The following CDC25B variants were observed in gnomAD, a reference collection of about 807,000 sequenced individuals.
The protein encoded by CDC25B is M-phase inducer phosphatase 2.
CDC25B carries 33 observed loss-of-function variants against 69.8 expected under a neutral mutation model. The ratio of observed to expected loss-of-function variants is 0.47; its 90% confidence interval spans 0.36 to 0.63. The LOEUF (loss-of-function observed/expected upper bound fraction) is 0.63, where lower values mean the gene tolerates loss of function less well. Ranked by LOEUF, CDC25B falls within the 30% of genes least tolerant of loss-of-function variation. The pLI is 0.00. For missense variants in CDC25B, 727 were observed against 809.1 expected (o/e 0.90, Z 1.23); for synonymous variants, 341 against 314.6 (o/e 1.08, Z -0.89).
chr20:3,796,114 T>C, upstream of CDC25B: 2 of 1,021,236 alleles, frequency 2.0e-6, no homozygotes, highest in East Asian at 2.0e-4. Context: ...GCCAGGGGGA[T>C]GTGCGAGGGT....
rs958380016 is a variant in CDC25B at position 3,805,978 on chromosome 20, G to T, written c.*1017G>T. ...GGTTTGGAGCTATTCAAGAGGAAAT[G>T]TCACAGAAGCAGCTAAACCAAGGAC... is the stretch of plus-strand genomic sequence containing the variant. On this transcript the variant is annotated 3_prime_UTR_variant, in exon 16 of 16. Transcript: ENST00000245960. 2 of 400,484 alleles carry T rather than the reference G, an allele frequency of 5.0e-6. No homozygotes were observed. Among genetic ancestry groups the T allele is most frequent in the Non-Finnish European group, 8.8e-6 (2 of 226,678 alleles). The allele number at this position is 400,484 out of a possible 1,614,324, so 24.8% of individuals were successfully genotyped here.
Position 3,791,180 on chromosome 20 carries a change from A to G in CDC25B, c.8+4041A>G, listed in dbSNP as rs569219067. Among the ~76,000 whole-genome samples, 8 of 152,322 alleles carry G rather than the reference A, an allele frequency of 5.3e-5. No individual in the cohort carries two copies. In the South Asian group the frequency reaches 1.7e-3, roughly 32 times the overall value. On this transcript the variant is annotated intron_variant, in intron 1 of 15. Transcript: ENST00000344256. Reference sequence around the variant, plus strand: ...CTCCCCTATTGAAGACAATAACTCAACGAACATACATCTGTGTGTACTTTT... The same window carrying G: ...CTCCCCTATTGAAGACAATAACTCAGCGAACATACATCTGTGTGTACTTTT...
upstream of CDC25B, among the ~76,000 whole-genome samples, chr20:3,793,563 G>GTTT (rs2088951121): frequency 3.9e-5 from 5 of 126,806 alleles, no homozygotes; most frequent in East Asian, 4.6e-4. Context: ...TTTTTTTTTG[G>GTTT]TTTTAGAGAA....
Position 3,804,634 on chromosome 20 carries a change from T to A in CDC25B, c.1556T>A (p.Met519Lys). 6.2e-7 allele frequency: 1 copy of A among 1,614,056 alleles called. No homozygotes were observed. Among genetic ancestry groups the A allele is most frequent in the Non-Finnish European group, 8.5e-7 (1 of 1,179,968 alleles). ...NDYPSLYYPEMYILKGGYKEF... is the reference protein window; with the variant it reads ...NDYPSLYYPEKYILKGGYKEF... The stretch of plus-strand genomic sequence containing the variant: ...TACCCCAGCCTCTACTACCCTGAGA[T>A]GTATATCCTGAAAGGCGGCTACAAG... Residue 519 changes from methionine (M) to lysine (K), a missense_variant, in exon 15 of 16, where the codon ATG becomes AAG. Physicochemically the swap from Met to Lys is moderately conservative, Grantham distance 95. Transcript: ENST00000245960.
rs139531565 is a variant in CDC25B at position 3,801,330 on chromosome 20, C to A, written c.782C>A (p.Ala261Glu). Residue 261 changes from alanine (A) to glutamate (E), a missense_variant, in exon 8 of 16, where the codon GCA becomes GAA. Transcript: ENST00000245960. ...CTAGGTCGCTTCTCTCTGACCCCTG[C>A]AGAGGGGGATACTGAGGAAGATGAT... ...LALGRFSLTP[A>E]EGDTEEDDGF... The A allele has an allele frequency of 2.0e-4, 316 of 1,613,988 alleles. 1 individual carries two copies. Among genetic ancestry groups the A allele is most frequent in the Non-Finnish European group, 2.6e-4 (312 of 1,179,988 alleles).
intron 1 of CDC25B, among the ~76,000 whole-genome samples, chr20:3,797,403 G>A (rs2089096813): frequency 6.6e-6 from 1 of 152,228 alleles, no homozygotes; most frequent in Non-Finnish European, 1.5e-5. Flanking sequence ...GCTCCTGAGA[G>A]GACCTTTCCT....
rs1424781563 is a variant in CDC25B, at chr20:3,803,409, G to A, written c.1362G>A (p.Ala454=). 34 of 1,614,078 alleles carry A rather than the reference G, an allele frequency of 2.1e-5. No individual in the cohort carries two copies. Among genetic ancestry groups the A allele is most frequent in the African/African-American group, 2.7e-5 (2 of 75,024 alleles). The part of the protein sequence containing the change: ...YEYEGGHIKT[A]VNLPLERDAE... Reference sequence around the variant, plus strand: ...ACCTCTGGCTCCTCTGACAGACTGCGGTGAACTTGCCCCTGGAACGCGACG... The same window carrying A: ...ACCTCTGGCTCCTCTGACAGACTGCAGTGAACTTGCCCCTGGAACGCGACG... The change falls in exon 14 of 16, where the codon GCG becomes GCA. Residue 454 remains alanine, a synonymous_variant. Transcript: ENST00000245960. This position sits in a 1 kb window ranked among gnomAD's most constrained non-coding sequence, Gnocchi z 4.9.
chr20:3,799,525 TGC>T lies in CDC25B; in HGVS notation c.381-751_381-750del, dbSNP rs35316200. Among the ~76,000 whole-genome samples the T allele has an allele frequency of 2.9e-4, 20 of 68,684 alleles. 1 individual carries two copies. Among genetic ancestry groups the T allele is most frequent in the African/African-American group, 4.8e-4 (10 of 20,736 alleles). The allele number at this position is 68,684 out of a possible 152,430, so 45.1% of individuals were successfully genotyped here. A position where few individuals can be genotyped will look rare whatever the true frequency, so the allele number is the denominator to read the frequency against. ...GTGTGTGTGTGTGTGTGTGTGTGTG[TGC>T]GCGCGCGCGCGTAGATGCACAAAAG... is the stretch of plus-strand genomic sequence containing the variant. On this transcript the variant is annotated intron_variant, in intron 3 of 15. Transcript: ENST00000245960.
chr20:3,805,337 C>T lies in CDC25B; in HGVS notation c.*376C>T, dbSNP rs11087605. 0.056 allele frequency: 16,927 copies of T among 301,120 alleles called. 695 individuals carry two copies. Among genetic ancestry groups the T allele is most frequent in the Non-Finnish European group, 0.079 (12,530 of 158,144 alleles). The allele number at this position is 301,120 out of a possible 1,614,324, so 18.7% of individuals were successfully genotyped here. Reference sequence around the variant, plus strand: ...CTGAGGCTGGGGGAGAGCCGTGGTCCCTGAGGATGGGTCAGAGCTAAACTC... The same window carrying T: ...CTGAGGCTGGGGGAGAGCCGTGGTCTCTGAGGATGGGTCAGAGCTAAACTC... On this transcript the variant is annotated 3_prime_UTR_variant, in exon 16 of 16. Transcript: ENST00000245960.
intron 1 of CDC25B, among the ~76,000 whole-genome samples, chr20:3,790,104 T>C (rs781178455): frequency 6.6e-6 from 1 of 151,834 alleles, no homozygotes; most frequent in Non-Finnish European, 1.5e-5. Flanking sequence ...TGCAATGAAC[T>C]ATGATTGCAC....
At chr20:3,789,848 G>T (rs896742833) in intron 1 of CDC25B, among the ~76,000 whole-genome samples, 54 of 152,192 alleles carry the variant, frequency 3.5e-4, no homozygotes, top group Non-Finnish European at 6.3e-4. Flanking sequence ...AATTAGCCGG[G>T]CATGGTGGCG....
intron 3 of CDC25B, among the ~76,000 whole-genome samples, chr20:3,799,406 G>A (rs1261463943): frequency 1.3e-5 from 2 of 152,118 alleles, no homozygotes; most frequent in South Asian, 2.1e-4. Flanking sequence ...CCCCGGGGGG[G>A]CATCCCCCTC....
chr20:3,804,430 C>G (rs2089401989), intron 14 of CDC25B, 139 bp from the exon 15 acceptor site: 3 of 648,920 alleles, frequency 4.6e-6, no homozygotes, highest in Non-Finnish European at 8.4e-6. Context: ...TAAAAGTGTT[C>G]TTGTGGTTAC....
At chr20:3,804,387 G>A (rs2295348) in intron 14 of CDC25B, among the ~76,000 whole-genome samples, 182 bp from the exon 15 acceptor site, 50,043 of 151,944 alleles carry the variant, frequency 0.33, 9,190 homozygotes, top group African/African-American at 0.5. Flanking sequence ...CCTTCCTTCC[G>A]CCTCCCCACC....
chr20:3,804,495 G>A lies in CDC25B; in HGVS notation c.1491-74G>A, dbSNP rs557581151. 154 of 919,056 alleles carry A rather than the reference G, an allele frequency of 1.7e-4. 1 individual carries two copies. The highest frequency in any genetic ancestry group is 1.2e-3 in the South Asian group (86 of 71,884). 56.9% of individuals were successfully genotyped at this position (919,056 alleles called of 1,614,324 possible). On this transcript the variant is annotated intron_variant, in intron 14 of 15. Coordinates refer to ENST00000245960, the MANE Select transcript of CDC25B (RefSeq NM_021873.4). ...CCCCAAGGCCCTCAAAGGAGGGGAC[G>A]TGGGGGATAGGTCCCATGATGTACA... is the stretch of plus-strand genomic sequence containing the variant.
chr20:3,799,536 G>A (rs919473412), intron 3 of CDC25B, among the ~76,000 whole-genome samples: 16 of 151,346 alleles, frequency 1.1e-4, no homozygotes, highest in Admixed American at 2.0e-4. Context: ...GCGCGCGCGC[G>A]CGTAGATGCA....
chr20:3,799,898 CAT>C (rs778486814), intron 3 of CDC25B, among the ~76,000 whole-genome samples: 6 of 152,114 alleles, frequency 3.9e-5, no homozygotes, highest in Non-Finnish European at 5.9e-5. Flanking sequence ...CCTGGCCTAT[CAT>C]AGGATGGATG....
chr20:3,794,519 T>C (rs977131369), upstream of CDC25B, among the ~76,000 whole-genome samples: 1 of 152,026 alleles, frequency 6.6e-6, no homozygotes, highest in Non-Finnish European at 1.5e-5. Flanking sequence ...GGGGCAGTTT[T>C]TTTTTTCTGG....
chr20:3,796,260 C>A, upstream of CDC25B: 1 of 1,304,614 alleles, frequency 7.7e-7, no homozygotes, highest in Non-Finnish European at 9.7e-7. Context: ...GGCGGCGCGG[C>A]TGCTGTTATT....
Sources: gnomAD v4.1 joint callset for allele counts (sites outside exome capture counted in the v4.1 genomes callset) on GRCh38, gnomAD v4.1.1 for gene constraint, Gnocchi (gnomAD v3.1) non-coding constraint, MANE v1.5 for transcripts, NCBI Gene and HGNC (gene_info 2026-07-23, HGNC 2026-07-21) for gene names.